The following PARD3B variants were observed in gnomAD, a reference collection of about 807,000 sequenced individuals.
The protein encoded by PARD3B is partitioning defective 3 homolog B.
In PARD3B, 103 loss-of-function variants were observed where a neutral mutation model predicts 130.2. The ratio of observed to expected loss-of-function variants is 0.79; its 90% CI spans 0.67 to 0.93. The LOEUF (loss-of-function observed/expected upper bound fraction) is 0.93. Among genes scored for constraint, PARD3B ranks in the 40% least tolerant of loss-of-function variants. PARD3B has a pLI of 0.00. For missense variants in PARD3B, 1,609 were observed against 1,499.2 expected, an observed-to-expected ratio of 1.07 and a Z score of -1.21; for synonymous variants, 583 against 553.2, an observed-to-expected ratio of 1.05 and a Z score of -0.76.
intron 2 of PARD3B, among the ~76,000 whole-genome samples, chr2:204,768,741 G>T (rs1462541288): frequency 3.4e-5 from 2 of 57,994 alleles, no homozygotes; most frequent in Non-Finnish European, 6.3e-5. Flanking sequence ...GGATTCCTAG[G>T]TATTTTATTC....
chr2:205,018,801 T>A (rs1228035965), intron 3 of PARD3B, among the ~76,000 whole-genome samples: 1 of 150,290 alleles, frequency 6.7e-6, no homozygotes, highest in African/African-American at 2.5e-5. Context: ...TATAGTTGTT[T>A]CATGAAATAT....
chr2:204,950,727 A>AT (rs1250417617), intron 2 of PARD3B, among the ~76,000 whole-genome samples: 1 of 152,190 alleles, frequency 6.6e-6, no homozygotes, highest in Non-Finnish European at 1.5e-5. Flanking sequence ...GTAGTACTAT[A>AT]TTTTCAGTCA....
At chr2:205,245,956 T>A in intron 16 of PARD3B, 134 bp downstream of exon 16, 1 of 687,010 alleles carries the variant, frequency 1.5e-6, no homozygotes, top group Non-Finnish European at 2.6e-6. Context: ...TGTCTCTGAC[T>A]TCCACAAAGA....
chr2:204,842,162 A>G (rs1041130106), intron 2 of PARD3B, among the ~76,000 whole-genome samples: 2 of 152,132 alleles, frequency 1.3e-5, no homozygotes, highest in African/African-American at 2.4e-5. Flanking sequence ...GTGTGTGAAC[A>G]TGTGCTTGTG....
At position 205,436,291 on chromosome 2, in the gene PARD3B, T is replaced by C. The variant is rs925054416; in HGVS notation, c.2742-4079T>C. 3.3e-5 allele frequency among the ~76,000 whole-genome samples: 5 copies of C among 152,222 alleles called. No individual in the cohort carries two copies. In the East Asian group the frequency reaches 7.7e-4, roughly 23 times the overall value. On this transcript the variant is annotated intron_variant, in intron 19 of 22. Coordinates refer to ENST00000406610, the MANE Select transcript of PARD3B (RefSeq NM_001302769.2). ...AGACATTACCGCCGTAGCAACCATG[T>C]TGAATTCTTCATTTTGATGCAGTTC...
intron 15 of PARD3B, among the ~76,000 whole-genome samples, chr2:205,238,848 AAATATAT>A (rs1207164756): frequency 8.4e-4 from 64 of 76,608 alleles, no homozygotes; most frequent in African/African-American, 4.2e-3. Flanking sequence ...AAAAAAAAAA[AAATATAT>A]ATATATATAT....
chr2:205,452,357 T>C (rs1243754094), intron 20 of PARD3B, among the ~76,000 whole-genome samples: 3 of 152,248 alleles, frequency 2.0e-5, no homozygotes, highest in Non-Finnish European at 4.4e-5. Context: ...TGACTTCGTG[T>C]GGCTGTGTGT....
At chr2:205,092,616 G>A (rs1033874692) in intron 4 of PARD3B, among the ~76,000 whole-genome samples, 3 of 152,084 alleles carry the variant, frequency 2.0e-5, no homozygotes, top group Admixed American at 6.6e-5. Flanking sequence ...CTTGACCCAC[G>A]ATTAAGTCTA....
chr2:205,561,945 G>C (rs149556080), intron 22 of PARD3B, among the ~76,000 whole-genome samples: 1 of 152,114 alleles, frequency 6.6e-6, no homozygotes, highest in African/African-American at 2.4e-5. Flanking sequence ...CTTCCCAGTA[G>C]GATCAGCTGT....
At chr2:204,570,086 A>C (rs1457727996) in intron 1 of PARD3B, among the ~76,000 whole-genome samples, 5 of 152,156 alleles carry the variant, frequency 3.3e-5, no homozygotes, top group African/African-American at 1.2e-4. Context: ...GTTGGAGTCA[A>C]GATATTGGGG....
Position 204,951,511 on chromosome 2 carries a change from T to C in PARD3B, c.223-13641T>C, listed in dbSNP as rs140080609. On this transcript the variant is annotated intron_variant, in intron 2 of 22. Coordinates refer to ENST00000406610, the MANE Select transcript of PARD3B (RefSeq NM_001302769.2). ...CTTCTGTAGCCTGTTTATCTGGTCATTTAAATATTGTTCTGGGTGCATATT... is the reference window on the plus strand; with the variant it reads ...CTTCTGTAGCCTGTTTATCTGGTCACTTAAATATTGTTCTGGGTGCATATT... Among the ~76,000 whole-genome samples, 255 of 152,344 alleles carry C rather than the reference T, an allele frequency of 1.7e-3. 2 individuals carry two copies. The highest frequency in any genetic ancestry group is 5.7e-3 in the African/African-American group (237 of 41,582).
chr2:205,300,562 G>A lies in PARD3B; in HGVS notation c.2218G>A (p.Gly740Ser). The change falls in exon 17 of 23, where the codon GGT becomes AGT. Residue 740 changes from glycine (G) to serine (S), a missense_variant. Physicochemically the swap from Gly to Ser is moderately conservative, Grantham distance 56 (BLOSUM62 0). Coordinates refer to ENST00000406610, the MANE Select transcript of PARD3B (RefSeq NM_001302769.2). The surrounding 1 kb of genome is among the most constrained non-coding windows in gnomAD (Gnocchi z 4.1). The part of the protein sequence containing the change: ...SPSKDFGPTL[G>S]LKKSSSLESL... Reference sequence around the variant, plus strand: ...AAGCAAAGATTTTGGTCCAACTCTGGGTTTGAAAAAGTCCAGCTCCTTGGA... The same window carrying A: ...AAGCAAAGATTTTGGTCCAACTCTGAGTTTGAAAAAGTCCAGCTCCTTGGA... 1.9e-6 allele frequency: 3 copies of A among 1,613,798 alleles called. No individual in the cohort carries two copies. The highest frequency in any genetic ancestry group is 2.5e-6 in the Non-Finnish European group (3 of 1,179,964).
At chr2:204,736,569 T>C (rs1351787527) in intron 2 of PARD3B, among the ~76,000 whole-genome samples, 1 of 152,198 alleles carries the variant, frequency 6.6e-6, no homozygotes, top group Non-Finnish European at 1.5e-5. Context: ...TTTAGAATAC[T>C]GTCCTCTAGC....
intron 18 of PARD3B, among the ~76,000 whole-genome samples, chr2:205,337,602 A>C (rs1051799424): frequency 1.3e-5 from 2 of 152,192 alleles, no homozygotes; most frequent in African/African-American, 4.8e-5. Context: ...ATTTTACTTA[A>C]AGGTCCTTTT....
At chr2:204,750,597 CATA>C (rs1559114595) in intron 2 of PARD3B, among the ~76,000 whole-genome samples, 5 of 82,492 alleles carry the variant, frequency 6.1e-5, no homozygotes, top group Non-Finnish European at 1.2e-4. Context: ...AAAATACACA[CATA>C]CATACATACA....
At chr2:204,914,078 C>T (rs2047350598) in intron 2 of PARD3B, among the ~76,000 whole-genome samples, 1 of 152,126 alleles carries the variant, frequency 6.6e-6, no homozygotes, top group Non-Finnish European at 1.5e-5. Flanking sequence ...CTGGCCTGCA[C>T]GCTGGGAGGA....
intron 2 of PARD3B, among the ~76,000 whole-genome samples, chr2:204,727,091 T>G (rs548680186): frequency 6.6e-6 from 1 of 152,296 alleles, no homozygotes; most frequent in African/African-American, 2.4e-5. Context: ...AGGAATAACT[T>G]AAGAAAAATA....
intron 2 of PARD3B, among the ~76,000 whole-genome samples, chr2:204,843,289 T>G (rs2044323397): frequency 6.6e-6 from 1 of 152,178 alleles, no homozygotes; most frequent in Non-Finnish European, 1.5e-5. Flanking sequence ...GTCTTGACAT[T>G]CAATCTTCCA....
chr2:205,197,428 C>G (rs1218762183), intron 15 of PARD3B, among the ~76,000 whole-genome samples: 2 of 152,056 alleles, frequency 1.3e-5, no homozygotes, highest in Admixed American at 6.6e-5. Context: ...ATATTAAACA[C>G]TTCTTGAGAT....
Sources: allele counts gnomAD v4.1 joint callset (sites outside exome capture counted in the v4.1 genomes callset), GRCh38; gene constraint gnomAD v4.1.1; non-coding constraint Gnocchi (gnomAD v3.1); transcripts MANE v1.5; gene names NCBI Gene and HGNC (gene_info 2026-07-23, HGNC 2026-07-21).